Variants in SLC60A1 observed in about 807,000 individuals in gnomAD.
SLC60A1 encodes solute carrier family 60 member 1, also known as major facilitator superfamily domain containing 4.
chr1:205,592,752 A>C, the SLC60A1 span, among the ~76,000 whole-genome samples: 4 of 151,896 alleles, frequency 2.6e-5, 1 homozygote, highest in South Asian at 8.4e-4. Flanking sequence ...GGCCGCAGAG[A>C]AGCAGTTAAG....
chr1:205,600,505 A>G, the SLC60A1 span: 1 of 1,587,568 alleles, frequency 6.3e-7, no homozygotes. Flanking sequence ...CCTCTTGATC[A>G]CCAGCACGAC....
At chr1:205,581,277 C>G in the SLC60A1 span, among the ~76,000 whole-genome samples, 1 of 152,236 alleles carries the variant, frequency 6.6e-6, no homozygotes, top group Non-Finnish European at 1.5e-5. This position sits in a 1 kb window ranked among gnomAD's most constrained non-coding sequence, Gnocchi z 4.2. Context: ...GAAGGTTTTT[C>G]TCTGGGTCCC....
At chr1:205,599,030 T>C in the SLC60A1 span, 2 of 1,496,136 alleles carry the variant, frequency 1.3e-6, no homozygotes, top group Non-Finnish European at 1.8e-6. Context: ...GGCCTCAACT[T>C]AGCTGAAAAA....
At chr1:205,578,054 G>GCTGCAGGATGGATGACTTCACTTTC in the SLC60A1 span, among the ~76,000 whole-genome samples, 1 of 152,218 alleles carries the variant, frequency 6.6e-6, no homozygotes, top group African/African-American at 2.4e-5. Flanking sequence ...TCAGGACTTT[G>GCTGCAGGATGGATGACTTCACTTTC]CTGCAGGATG....
the SLC60A1 span, among the ~76,000 whole-genome samples, chr1:205,589,823 CTG>C: frequency 6.6e-6 from 1 of 152,208 alleles, no homozygotes; most frequent in East Asian, 1.9e-4. Context: ...CAAACACAGA[CTG>C]TCTGTTATTG....
At chr1:205,589,627 T>A in the SLC60A1 span, among the ~76,000 whole-genome samples, 1 of 152,202 alleles carries the variant, frequency 6.6e-6, no homozygotes, top group South Asian at 2.1e-4. Flanking sequence ...TATTATTGTT[T>A]TTTTTAGAGA....
At chr1:205,580,017 G>A in the SLC60A1 span, 1 of 1,503,702 alleles carries the variant, frequency 6.7e-7, no homozygotes, top group Admixed American at 2.0e-5. The surrounding 1 kb of genome is among the most constrained non-coding windows in gnomAD (Gnocchi z 5.0). Flanking sequence ...GGCCCCCTCA[G>A]TCTCTCCCAG....
At chr1:205,588,077 C>T in the SLC60A1 span, among the ~76,000 whole-genome samples, 1 of 152,090 alleles carries the variant, frequency 6.6e-6, no homozygotes, top group African/African-American at 2.4e-5. Context: ...TAAACAAATA[C>T]CCCAGGGGAA....
At chr1:205,569,148 A>G in the SLC60A1 span, 1 of 1,536,102 alleles carries the variant, frequency 6.5e-7, no homozygotes, top group South Asian at 1.2e-5. Context: ...CGTCTTCTTC[A>G]GCTTCGGCCT....
chr1:205,584,217 GAT>G, the SLC60A1 span: 3 of 689,154 alleles, frequency 4.4e-6, no homozygotes, highest in Non-Finnish European at 6.3e-6. Flanking sequence ...GATCACAGGT[GAT>G]TTTTTTTTTT....
At chr1:205,598,915 TCCAGTCCCTGCCTTAGAGCAGGA>T in the SLC60A1 span, 1 of 599,638 alleles carries the variant, frequency 1.7e-6, no homozygotes, top group Non-Finnish European at 2.9e-6. Flanking sequence ...GGTCACCAGG[TCCAGTCCCTGCCTTAGAGCAGGA>T]CTTCGGCCTT....
At chr1:205,588,593 C>T in the SLC60A1 span, among the ~76,000 whole-genome samples, 1 of 151,728 alleles carries the variant, frequency 6.6e-6, no homozygotes, top group East Asian at 1.9e-4. Context: ...TTTCCAGCTG[C>T]TTTTGTGGGC....
the SLC60A1 span, chr1:205,600,344 A>G: frequency 2.0e-6 from 3 of 1,524,362 alleles, no homozygotes; most frequent in Non-Finnish European, 2.7e-6. Context: ...CTCAGAATGA[A>G]TCATCACTGC....
At chr1:205,594,032 C>T in the SLC60A1 span, among the ~76,000 whole-genome samples, 1 of 152,162 alleles carries the variant, frequency 6.6e-6, no homozygotes, top group Non-Finnish European at 1.5e-5. Flanking sequence ...AGATCCTGGC[C>T]ACGGTGAAAA....
chr1:205,599,469 G>A, the SLC60A1 span, among the ~76,000 whole-genome samples: 2 of 152,202 alleles, frequency 1.3e-5, no homozygotes, highest in African/African-American at 4.8e-5. Context: ...CGAGAGCTGG[G>A]TCGGCTGACT....
the SLC60A1 span, chr1:205,580,646 C>CCCCCCCT: frequency 6.2e-7 from 1 of 1,604,804 alleles, no homozygotes. This position sits in a 1 kb window ranked among gnomAD's most constrained non-coding sequence, Gnocchi z 5.0. Context: ...CCCGCCACCT[C>CCCCCCCT]TCCTCTGTCC....
At chr1:205,592,075 C>A in the SLC60A1 span, 2 of 1,592,910 alleles carry the variant, frequency 1.3e-6, no homozygotes, top group Non-Finnish European at 1.7e-6. Context: ...CGACTCCTGG[C>A]GGTTCCTCAC....
At chr1:205,570,746 C>G in the SLC60A1 span, among the ~76,000 whole-genome samples, 1 of 152,132 alleles carries the variant, frequency 6.6e-6, no homozygotes, top group African/African-American at 2.4e-5. Flanking sequence ...TTCATTCTGC[C>G]TAGAGGTTTA....
At chr1:205,585,204 T>G in the SLC60A1 span, among the ~76,000 whole-genome samples, 1 of 152,136 alleles carries the variant, frequency 6.6e-6, no homozygotes. This position sits in a 1 kb window ranked among gnomAD's most constrained non-coding sequence, Gnocchi z 4.2. Context: ...CTTGGCCAAT[T>G]GTTTTTTATT....
Sources: allele counts gnomAD v4.1 joint callset (sites outside exome capture counted in the v4.1 genomes callset), GRCh38; gene constraint gnomAD v4.1.1; non-coding constraint Gnocchi (gnomAD v3.1); transcripts MANE v1.5; gene names NCBI Gene and HGNC (gene_info 2026-07-23, HGNC 2026-07-21).